The following CACNA2D1 variants were observed in gnomAD, a reference collection of about 807,000 sequenced individuals.
CACNA2D1 encodes the protein calcium voltage-gated channel auxiliary subunit alpha2delta 1, also known as voltage-dependent calcium channel subunit alpha-2/delta-1.
CACNA2D1 carries 53 observed loss-of-function variants against 171.5 expected under a neutral mutation model. The observed-to-expected ratio is 0.31, with a 90% CI of 0.25 to 0.39. CACNA2D1 has a LOEUF of 0.39. Among genes scored for constraint, CACNA2D1 ranks in the 10% least tolerant of loss-of-function variants. The pLI, the probability that CACNA2D1 is intolerant of heterozygous loss-of-function variation, is 1.00. For missense variants in CACNA2D1, 903 were observed against 1,299.8 expected (o/e 0.69, Z 4.69); for synonymous variants, 442 against 443.1 (o/e 1.00, Z 0.03).
intron 11 of CACNA2D1, among the ~76,000 whole-genome samples, chr7:82,035,845 C>T (rs376832096): frequency 1.8e-4 from 28 of 152,184 alleles, no homozygotes; most frequent in Non-Finnish European, 2.5e-4. Context: ...CTTAATCTAA[C>T]GGTTAATTAC....
rs2130647673 is a variant in CACNA2D1, at chr7:81,983,339, G to A, written c.1874-5C>T. On this transcript the variant is annotated splice_region_variant and splice_polypyrimidine_tract_variant and intron_variant, in intron 22 of 38. Coordinates refer to ENST00000356860, the MANE Select transcript of CACNA2D1 (RefSeq NM_000722.4). The stretch of plus-strand genomic sequence containing the variant: ...CCTTCATTTTGCCCTTTTTTGCTGT[G>A]AAAATCCATCAGAAAGAGAAAGCAG... 6.2e-7 allele frequency: 1 copy of A among 1,608,202 alleles called. No individual in the cohort carries two copies. Among genetic ancestry groups the A allele is most frequent in the Non-Finnish European group, 8.5e-7 (1 of 1,176,226 alleles).
chr7:82,306,170 T>G (rs1171943897), intron 3 of CACNA2D1, among the ~76,000 whole-genome samples: 1 of 152,200 alleles, frequency 6.6e-6, no homozygotes, highest in Non-Finnish European at 1.5e-5. Flanking sequence ...TTGTTTTATG[T>G]CCCTGAGAGT....
intron 1 of CACNA2D1, among the ~76,000 whole-genome samples, chr7:82,441,651 G>T (rs1469354828): frequency 6.6e-6 from 1 of 152,098 alleles, no homozygotes; most frequent in Non-Finnish European, 1.5e-5. Context: ...ATAAAAGGTT[G>T]TATTTTGTTG....
At chr7:81,970,394 C>A (rs1411998090) in intron 27 of CACNA2D1, among the ~76,000 whole-genome samples, 1 of 151,444 alleles carries the variant, frequency 6.6e-6, no homozygotes, top group Admixed American at 6.6e-5. Flanking sequence ...GTTCATTTCA[C>A]TGGTTTAGCT....
chr7:81,972,067 G>A (rs1299990253), intron 25 of CACNA2D1, among the ~76,000 whole-genome samples: 1 of 151,426 alleles, frequency 6.6e-6, no homozygotes, highest in African/African-American at 2.4e-5. Flanking sequence ...TTTAGTAGTA[G>A]AAAAATCAAT....
At chr7:82,012,753 A>C (rs1468868777) in intron 14 of CACNA2D1, among the ~76,000 whole-genome samples, 3 of 152,108 alleles carry the variant, frequency 2.0e-5, no homozygotes, top group Middle Eastern at 3.2e-3. Flanking sequence ...CTGCTGTTTC[A>C]TTTCAACATT....
At chr7:82,021,884 C>A (rs1286436243) in intron 12 of CACNA2D1, among the ~76,000 whole-genome samples, 1 of 151,850 alleles carries the variant, frequency 6.6e-6, no homozygotes, top group Non-Finnish European at 1.5e-5. Flanking sequence ...GAGAAGAGAG[C>A]AGCAGAAAAA....
intron 12 of CACNA2D1, among the ~76,000 whole-genome samples, chr7:82,017,773 T>A (rs1328508817): frequency 6.6e-6 from 1 of 152,146 alleles, no homozygotes; most frequent in Non-Finnish European, 1.5e-5. Flanking sequence ...ATTTGCATGA[T>A]CTTACATAAA....
intron 10 of CACNA2D1, among the ~76,000 whole-genome samples, chr7:82,055,575 A>G (rs1298924757): frequency 6.6e-6 from 1 of 151,794 alleles, no homozygotes; most frequent in African/African-American, 2.4e-5. Flanking sequence ...ATGGAATACT[A>G]TGCAGCCATA....
chr7:81,986,849 G>C (rs1441406517), intron 21 of CACNA2D1, among the ~76,000 whole-genome samples: 1 of 152,152 alleles, frequency 6.6e-6, no homozygotes, highest in Non-Finnish European at 1.5e-5. Context: ...TGATTCACTT[G>C]CCATTTACAA....
At chr7:82,277,187 A>G (rs1809458117) in intron 3 of CACNA2D1, among the ~76,000 whole-genome samples, 1 of 151,924 alleles carries the variant, frequency 6.6e-6, no homozygotes, top group African/African-American at 2.4e-5. Flanking sequence ...TCTTATTTGA[A>G]TATTTAATTG....
At chr7:82,184,424 AT>A (rs1236683998) in intron 3 of CACNA2D1, among the ~76,000 whole-genome samples, 1 of 152,018 alleles carries the variant, frequency 6.6e-6, no homozygotes, top group Non-Finnish European at 1.5e-5. Context: ...AGAGAACATG[AT>A]TTTTTTAATG....
chr7:82,247,630 C>T (rs1805092623), intron 3 of CACNA2D1, among the ~76,000 whole-genome samples: 1 of 152,150 alleles, frequency 6.6e-6, no homozygotes, highest in South Asian at 2.1e-4. Flanking sequence ...CATGAAAACA[C>T]AGGCTTGTTT....
At chr7:81,968,775 T>C in intron 29 of CACNA2D1, 112 bp downstream of exon 29, 2 of 718,936 alleles carry the variant, frequency 2.8e-6, no homozygotes, top group South Asian at 3.0e-5. Context: ...CATGCCTTTA[T>C]TTTGTTTGAC....
chr7:82,013,365 C>G (rs1800033128), intron 14 of CACNA2D1, 96 bp downstream of exon 14: 1 of 410,526 alleles, frequency 2.4e-6, no homozygotes, highest in Non-Finnish European at 4.0e-6. Context: ...TAGATCTTTT[C>G]ATTCTTGCTA....
intron 3 of CACNA2D1, among the ~76,000 whole-genome samples, chr7:82,172,510 T>G (rs1449949125): frequency 1.3e-5 from 2 of 151,450 alleles, no homozygotes; most frequent in African/African-American, 4.9e-5. Context: ...TGGAGTACAG[T>G]GGTGCAATCA....
intron 4 of CACNA2D1, among the ~76,000 whole-genome samples, chr7:82,140,977 A>T (rs1792316197): frequency 6.7e-6 from 1 of 149,944 alleles, no homozygotes; most frequent in South Asian, 2.1e-4. Flanking sequence ...AAAGAAAAAA[A>T]AATTGCAATT....
chr7:81,959,127 AAATCTACCAGC>A, intron 38 of CACNA2D1, 137 bp downstream of exon 38: 1 of 663,724 alleles, frequency 1.5e-6, no homozygotes, highest in Non-Finnish European at 2.7e-6. Context: ...GAAATGAAAA[AAATCTACCAGC>A]AAGTATGTCA....
chr7:81,999,442 G>A (rs1798370244), intron 18 of CACNA2D1, among the ~76,000 whole-genome samples: 1 of 151,978 alleles, frequency 6.6e-6, no homozygotes, highest in African/African-American at 2.4e-5. Flanking sequence ...GTTATCAATG[G>A]AAATAAATAC....
Sources: gnomAD v4.1 joint callset for allele counts (sites outside exome capture counted in the v4.1 genomes callset) on GRCh38, gnomAD v4.1.1 for gene constraint, MANE v1.5 for transcripts, NCBI Gene and HGNC (gene_info 2026-07-23, HGNC 2026-07-21) for gene names.